The following EPS8 variants were observed in gnomAD, a reference collection of about 807,000 sequenced individuals.
The protein encoded by EPS8 is EGFR pathway substrate 8, signaling adaptor, also known as epidermal growth factor receptor kinase substrate 8.
A neutral mutation model predicts 103.8 loss-of-function variants in EPS8; 42 were observed. The ratio of observed to expected loss-of-function variants is 0.40; its 90% CI spans 0.32 to 0.52. The LOEUF (loss-of-function observed/expected upper bound fraction) is 0.52. Ranked by LOEUF, EPS8 falls within the 20% of genes least tolerant of loss-of-function variation. The probability of loss-of-function intolerance (pLI) is 0.40; values close to 1 mark genes in which losing one functional copy is unlikely to be tolerated. For missense variants in EPS8, 969 were observed against 1,005.1 expected (o/e 0.96, Z 0.49); for synonymous variants, 344 against 344.6 (o/e 1.00, Z 0.02).
chr12:15,700,396 G>A lies in EPS8; in HGVS notation c.-21-17424C>T, dbSNP rs1946297199. On this transcript the variant is annotated intron_variant, in intron 1 of 20. Transcript: ENST00000281172. The surrounding 1 kb of genome is among the most constrained non-coding windows in gnomAD (Gnocchi z 5.1). The stretch of plus-strand genomic sequence containing the variant: ...AGAGTTATATGTGTGGGCTAAAAGA[G>A]AAGTCATAGAATTCTAATGATTAAA... Among the ~76,000 whole-genome samples, 2 of 152,118 alleles carry A rather than the reference G, an allele frequency of 1.3e-5. No individual in the cohort carries two copies. Among genetic ancestry groups the A allele is most frequent in the Admixed American group, 1.3e-4 (2 of 15,270 alleles).
chr12:15,691,529 G>C (rs1414647727), intron 1 of EPS8, among the ~76,000 whole-genome samples: 1 of 152,166 alleles, frequency 6.6e-6, no homozygotes, highest in East Asian at 1.9e-4. Flanking sequence ...GGAAGCGGGA[G>C]ACATTCGGTT....
intron 1 of EPS8, among the ~76,000 whole-genome samples, chr12:15,758,598 G>C (rs1244371459): frequency 6.6e-6 from 1 of 152,196 alleles, no homozygotes; most frequent in East Asian, 1.9e-4. Context: ...ACAGATTAAA[G>C]AAGGCCTGTC....
At position 15,714,727 on chromosome 12, in the gene EPS8, C is replaced by T. The variant is rs986278137; in HGVS notation, c.-21-31755G>A. ...GGGCAAATGGGAAATGGGTAAAAAACAAAAATACATTCTCTGTATAGTGCA... is the reference window on the plus strand; with the variant it reads ...GGGCAAATGGGAAATGGGTAAAAAATAAAAATACATTCTCTGTATAGTGCA... On this transcript the variant is annotated intron_variant, in intron 1 of 20. Coordinates refer to ENST00000281172, the MANE Select transcript of EPS8 (RefSeq NM_004447.6). The surrounding 1 kb of genome is among the most constrained non-coding windows in gnomAD (Gnocchi z 4.1). 2.0e-5 allele frequency among the ~76,000 whole-genome samples: 3 copies of T among 152,218 alleles called. No individual in the cohort carries two copies. The highest frequency in any genetic ancestry group is 7.2e-5 in the African/African-American group (3 of 41,548).
At chr12:15,680,805 A>G (rs182898142) in intron 3 of EPS8, among the ~76,000 whole-genome samples, 230 of 152,292 alleles carry the variant, frequency 1.5e-3, no homozygotes, top group Non-Finnish European at 1.4e-3. Flanking sequence ...TTTGCAGTGC[A>G]TAAAGAAATT....
rs1053382343 is a variant in EPS8 at position 15,716,555 on chromosome 12, G to A, written c.-21-33583C>T. On this transcript the variant is annotated intron_variant, in intron 1 of 20. Coordinates refer to ENST00000281172, the MANE Select transcript of EPS8 (RefSeq NM_004447.6). The surrounding 1 kb of genome is among the most constrained non-coding windows in gnomAD (Gnocchi z 5.0). ...GGCAGTTTACCAGAAGTAGTCACAG[G>A]AAATATTATATATTTCGAATGTGAC... 6.6e-6 allele frequency among the ~76,000 whole-genome samples: 1 copy of A among 152,060 alleles called. No individual in the cohort carries two copies.
chr12:15,653,123 C>T (rs1366287646), intron 13 of EPS8, among the ~76,000 whole-genome samples: 2 of 152,198 alleles, frequency 1.3e-5, no homozygotes, highest in Admixed American at 1.3e-4. Context: ...ATTACCCACT[C>T]TTCCTTTTCA....
intron 14 of EPS8, 71 bp downstream of exon 14, chr12:15,650,752 C>G (rs1945397914): frequency 8.1e-7 from 1 of 1,238,246 alleles, no homozygotes; most frequent in Non-Finnish European, 1.1e-6. Context: ...TGAGAACTTG[C>G]AATCAGAATT....
At chr12:15,675,526 G>T (rs1480522576) in intron 3 of EPS8, among the ~76,000 whole-genome samples, 1 of 152,212 alleles carries the variant, frequency 6.6e-6, no homozygotes, top group Non-Finnish European at 1.5e-5. Context: ...CTTGAACTAG[G>T]ATGTGGAGAT....
At chr12:15,730,444 T>C (rs1395549923) in intron 1 of EPS8, among the ~76,000 whole-genome samples, 1 of 152,110 alleles carries the variant, frequency 6.6e-6, no homozygotes, top group African/African-American at 2.4e-5. Context: ...ATTTAACCTA[T>C]ATTGGGGAGT....
Position 15,748,984 on chromosome 12 carries a change from C to T in EPS8, c.-22+40177G>A, listed in dbSNP as rs1946903106. Among the ~76,000 whole-genome samples the T allele has an allele frequency of 6.6e-6, 1 of 152,126 alleles. No individual in the cohort carries two copies. On this transcript the variant is annotated intron_variant, in intron 1 of 20. Transcript: ENST00000281172. This position sits in a 1 kb window ranked among gnomAD's most constrained non-coding sequence, Gnocchi z 4.8. ...CTTGTCAAATGTTAATGTTAAACTC[C>T]AGCAAAAGCAAATACTGAGACAACT...
At chr12:15,746,317 C>G (rs879803328) in intron 1 of EPS8, among the ~76,000 whole-genome samples, 2 of 151,970 alleles carry the variant, frequency 1.3e-5, no homozygotes, top group Non-Finnish European at 2.9e-5. Context: ...CCTAATCAAA[C>G]ATTTCTGCTT....
At chr12:15,705,868 A>G (rs1591878511) in intron 1 of EPS8, among the ~76,000 whole-genome samples, 1 of 152,214 alleles carries the variant, frequency 6.6e-6, no homozygotes, top group Non-Finnish European at 1.5e-5. Context: ...TATGATATCC[A>G]GTAGAAAGAC....
In EPS8 at chr12:15,632,298, C is replaced by T. The variant is rs1179061422; in HGVS notation, c.1822-634G>A. Among the ~76,000 whole-genome samples the T allele has an allele frequency of 1.3e-5, 2 of 151,976 alleles. 1 individual carries two copies. Among genetic ancestry groups the T allele is most frequent in the Non-Finnish European group, 2.9e-5 (2 of 67,990 alleles). ...TATGATTGCAACTTACAAACGAATA[C>T]TAGAAAGGGACCTGTGGCCATTTGT... On this transcript the variant is annotated intron_variant, in intron 17 of 20. Coordinates refer to ENST00000281172, the MANE Select transcript of EPS8 (RefSeq NM_004447.6).
Position 15,690,849 on chromosome 12 carries a change from C to T in EPS8, c.-21-7877G>A, listed in dbSNP as rs185379969. On this transcript the variant is annotated intron_variant, in intron 1 of 20. Coordinates refer to ENST00000281172, the MANE Select transcript of EPS8 (RefSeq NM_004447.6). The surrounding 1 kb of genome is among the most constrained non-coding windows in gnomAD (Gnocchi z 4.7). ...CACAAAGATAAAAATGCACTCTTTT[C>T]AAAATAGTATTTTTCATTTATCTTC... is the stretch of plus-strand genomic sequence containing the variant. 2.5e-3 allele frequency among the ~76,000 whole-genome samples: 388 copies of T among 152,200 alleles called. No individual in the cohort carries two copies. The highest frequency in any genetic ancestry group is 9.1e-3 in the African/African-American group (377 of 41,538).
chr12:15,626,884 CCTTT>C (rs1944956500), intron 18 of EPS8, among the ~76,000 whole-genome samples: 1 of 152,144 alleles, frequency 6.6e-6, no homozygotes, highest in Non-Finnish European at 1.5e-5. Flanking sequence ...CTCCTCCCCA[CCTTT>C]CTATTTCCCC....
In EPS8 at chr12:15,747,778, T is replaced by A. The variant is rs1433303022; in HGVS notation, c.-22+41383A>T. Among the ~76,000 whole-genome samples, 2 of 152,156 alleles carry A rather than the reference T, an allele frequency of 1.3e-5. No homozygotes were observed. Among genetic ancestry groups the A allele is most frequent in the Non-Finnish European group, 2.9e-5 (2 of 68,020 alleles). ...GCTCACGCCTGTAATCCCAGCACTT[T>A]GGGAGGCCGAGGTGGGCGGATCACG... On this transcript the variant is annotated intron_variant, in intron 1 of 20. Coordinates refer to ENST00000281172, the MANE Select transcript of EPS8 (RefSeq NM_004447.6). The surrounding 1 kb of genome is among the most constrained non-coding windows in gnomAD (Gnocchi z 4.4).
Position 15,745,392 on chromosome 12 carries a change from C to T in EPS8, c.-22+43769G>A, listed in dbSNP as rs1946865695. Among the ~76,000 whole-genome samples, 1 of 152,114 alleles carries T rather than the reference C, an allele frequency of 6.6e-6. No homozygotes were observed. The highest frequency in any genetic ancestry group is 6.6e-5 in the Admixed American group (1 of 15,264). On this transcript the variant is annotated intron_variant, in intron 1 of 20. Transcript: ENST00000281172. This position sits in a 1 kb window ranked among gnomAD's most constrained non-coding sequence, Gnocchi z 4.6. ...AAAACATCAATAATTTATCATTACACTCTTTAATGCCAAGCTGAACCCAAA... is the reference window on the plus strand; with the variant it reads ...AAAACATCAATAATTTATCATTACATTCTTTAATGCCAAGCTGAACCCAAA...
At chr12:15,661,980 C>G in intron 9 of EPS8, 46 bp downstream of exon 9, 1 of 1,359,876 alleles carries the variant, frequency 7.4e-7, no homozygotes, top group Non-Finnish European at 1.0e-6. Flanking sequence ...TTTCTTTTTC[C>G]TCTTAAAAGA....
At chr12:15,674,248 C>A (rs1449628709) in intron 3 of EPS8, among the ~76,000 whole-genome samples, 1 of 151,946 alleles carries the variant, frequency 6.6e-6, no homozygotes, top group Non-Finnish European at 1.5e-5. Context: ...TTTTTTTTCT[C>A]TTTCTCTAAA....
Sources: gnomAD v4.1 joint callset for allele counts (sites outside exome capture counted in the v4.1 genomes callset) on GRCh38, gnomAD v4.1.1 for gene constraint, Gnocchi (gnomAD v3.1) non-coding constraint, MANE v1.5 for transcripts, NCBI Gene and HGNC (gene_info 2026-07-23, HGNC 2026-07-21) for gene names.